The following SNX29 variants were observed in gnomAD, a reference collection of about 807,000 sequenced individuals.
SNX29 encodes the protein sorting nexin 29, also known as sorting nexin-29.
In SNX29, 78 loss-of-function variants were observed where a neutral mutation model predicts 102.1. The observed-to-expected ratio is 0.76, with a 90% CI of 0.64 to 0.92. The LOEUF (loss-of-function observed/expected upper bound fraction) is 0.92. Among genes scored for constraint, SNX29 ranks in the 40% least tolerant of loss-of-function variants. The probability of loss-of-function intolerance (pLI) is 0.00; values close to 1 mark genes in which losing one functional copy is unlikely to be tolerated. For missense variants in SNX29, 1,280 were observed against 1,061.7 expected (o/e 1.21, Z -2.86); for synonymous variants, 580 against 414.5 (o/e 1.40, Z -4.85).
intron 16 of SNX29, among the ~76,000 whole-genome samples, chr16:12,370,971 T>C (rs1048973793): frequency 6.6e-6 from 1 of 152,262 alleles, no homozygotes; most frequent in East Asian, 1.9e-4. Flanking sequence ...GGGCACCACC[T>C]TGGTATTACC....
At chr16:12,501,145 C>T (rs2089102239) in intron 19 of SNX29, among the ~76,000 whole-genome samples, 1 of 152,146 alleles carries the variant, frequency 6.6e-6, no homozygotes, top group Admixed American at 6.5e-5. Flanking sequence ...ACTATAACCC[C>T]AGCACTTTGG....
intron 5 of SNX29, among the ~76,000 whole-genome samples, chr16:12,043,738 C>A (rs1056090018): frequency 2.4e-5 from 3 of 127,630 alleles, no homozygotes; most frequent in African/African-American, 8.2e-5. Context: ...GGAAGGAAGT[C>A]ATTTTTTTTG....
At chr16:12,434,468 C>T (rs60317138) in intron 18 of SNX29, among the ~76,000 whole-genome samples, 9,560 of 152,146 alleles carry the variant, frequency 0.063, 504 homozygotes, top group East Asian at 0.27. Flanking sequence ...CGATGTTCAT[C>T]CATTTTTTGT....
chr16:12,329,107 A>T (rs2081215479), intron 15 of SNX29, among the ~76,000 whole-genome samples: 1 of 151,840 alleles, frequency 6.6e-6, no homozygotes, highest in Non-Finnish European at 1.5e-5. Context: ...CCCAGTCTCT[A>T]CAAAAAATAG....
chr16:12,029,635 A>C (rs1160613905), intron 4 of SNX29: 1 of 451,390 alleles, frequency 2.2e-6, no homozygotes, highest in Non-Finnish European at 4.4e-6. Flanking sequence ...TCTGTTGCCC[A>C]GTCTGGAGTG....
At chr16:12,563,953 G>C (rs1488122979) in intron 20 of SNX29, among the ~76,000 whole-genome samples, 1 of 151,962 alleles carries the variant, frequency 6.6e-6, no homozygotes, top group Non-Finnish European at 1.5e-5. Context: ...GTTCAAGAAA[G>C]ACGAGGAAGG....
chr16:12,542,474 G>C (rs2077386494), intron 20 of SNX29, among the ~76,000 whole-genome samples: 1 of 152,190 alleles, frequency 6.6e-6, no homozygotes, highest in South Asian at 2.1e-4. Flanking sequence ...TGGGATTACA[G>C]GGACCCACTA....
intron 15 of SNX29, among the ~76,000 whole-genome samples, chr16:12,317,055 C>T (rs987640345): frequency 3.3e-5 from 5 of 152,362 alleles, no homozygotes; most frequent in African/African-American, 7.2e-5. Flanking sequence ...CAGTTTGCCT[C>T]CTACCTGCCC....
chr16:12,556,201 C>G (rs2856791), intron 20 of SNX29, among the ~76,000 whole-genome samples: 1 of 152,068 alleles, frequency 6.6e-6, no homozygotes, highest in Non-Finnish European at 1.5e-5. Context: ...GTCTGAAATG[C>G]AACCTAGGGT....
rs193256416 is a variant in SNX29, at chr16:12,041,737, T to G, written c.248-1160T>G. ...CTCTTATGAAGATCTTGTGATTACG[T>G]CAGCCTCGCAGGGATTATGCAAGAT... On this transcript the variant is annotated intron_variant, in intron 4 of 20. Coordinates refer to ENST00000566228, the MANE Select transcript of SNX29 (RefSeq NM_032167.5). Among the ~76,000 whole-genome samples, 34 of 152,350 alleles carry G rather than the reference T, an allele frequency of 2.2e-4. No individual in the cohort carries two copies. In the East Asian group the frequency reaches 5.4e-3, roughly 24 times the overall value.
At chr16:12,121,180 T>C (rs962320953) in intron 11 of SNX29, among the ~76,000 whole-genome samples, 3 of 152,194 alleles carry the variant, frequency 2.0e-5, no homozygotes, top group African/African-American at 4.8e-5. Context: ...GGGGTGGGGC[T>C]TTGGTGGGCA....
At chr16:12,518,741 C>T (rs746218798) in intron 19 of SNX29, among the ~76,000 whole-genome samples, 3 of 152,192 alleles carry the variant, frequency 2.0e-5, no homozygotes, top group Non-Finnish European at 4.4e-5. Context: ...TGGGCCATGT[C>T]AGCTACCAGG....
At chr16:12,230,054 G>A (rs966344882) in intron 14 of SNX29, among the ~76,000 whole-genome samples, 1 of 151,798 alleles carries the variant, frequency 6.6e-6, no homozygotes, top group African/African-American at 2.4e-5. Context: ...GGGCTTGGCT[G>A]TATGCCAATA....
intron 13 of SNX29, among the ~76,000 whole-genome samples, chr16:12,186,879 A>G (rs2076523676): frequency 6.6e-6 from 1 of 152,234 alleles, no homozygotes; most frequent in Non-Finnish European, 1.5e-5. Flanking sequence ...ACACTATAGC[A>G]AGTAGACTTC....
At chr16:12,139,940 C>T (rs1400031917) in intron 13 of SNX29, among the ~76,000 whole-genome samples, 1 of 135,018 alleles carries the variant, frequency 7.4e-6, no homozygotes, top group Non-Finnish European at 1.5e-5. Flanking sequence ...GAGATTGTAC[C>T]ACTGTACTCC....
intron 11 of SNX29, among the ~76,000 whole-genome samples, chr16:12,121,526 G>C (rs1410897961): frequency 1.3e-5 from 2 of 152,244 alleles, no homozygotes; most frequent in East Asian, 3.8e-4. Flanking sequence ...CAGGAATGAG[G>C]AGTTCACTGA....
At chr16:11,976,935 C>T (rs2055313569) in intron 1 of SNX29, 122 bp downstream of exon 1, 16 of 1,222,130 alleles carry the variant, frequency 1.3e-5, no homozygotes, top group Non-Finnish European at 1.7e-5. Context: ...CCCAGTCGCT[C>T]CCTTTTCCAG....
intron 15 of SNX29, among the ~76,000 whole-genome samples, chr16:12,323,519 A>T (rs965621830): frequency 2.6e-4 from 34 of 129,656 alleles, no homozygotes; most frequent in African/African-American, 9.4e-4. Flanking sequence ...AGAGGTTTTA[A>T]AAAAAAAAAA....
intron 11 of SNX29, among the ~76,000 whole-genome samples, chr16:12,088,848 G>C (rs2052352996): frequency 6.6e-6 from 1 of 152,222 alleles, no homozygotes; most frequent in African/African-American, 2.4e-5. Flanking sequence ...CACTTTGGGA[G>C]GCTGAGGCGG....
Sources: gnomAD v4.1 joint callset for allele counts (sites outside exome capture counted in the v4.1 genomes callset) on GRCh38, gnomAD v4.1.1 for gene constraint, MANE v1.5 for transcripts, NCBI Gene and HGNC (gene_info 2026-07-23, HGNC 2026-07-21) for gene names.